LYST: variants seen among roughly 807,000 people sequenced by gnomAD.
LYST encodes the protein lysosomal trafficking regulator, also known as lysosomal-trafficking regulator.
A neutral mutation model predicts 413.6 loss-of-function variants in LYST; 192 were observed. The observed-to-expected ratio is 0.46, with a 90% CI of 0.41 to 0.52. The LOEUF (loss-of-function observed/expected upper bound fraction) is 0.52, where lower values mean the gene tolerates loss of function less well. LYST is among the 20% of genes least tolerant of loss of function. The pLI is 0.00. For synonymous variants in LYST, 1,525 were observed against 1,567.3 expected (o/e 0.97, Z 0.64); for missense variants, 3,815 against 4,499.9 (o/e 0.85, Z 4.35).
At chr1:235,693,623 A>G (rs1184136528) in intron 46 of LYST, 137 bp from the exon 47 acceptor site, 1 of 885,886 alleles carries the variant, frequency 1.1e-6, no homozygotes, top group South Asian at 1.6e-5. Flanking sequence ...TTAAATCTCT[A>G]AAATGGAACA....
At chr1:235,691,479 A>C (rs1032229613) in intron 47 of LYST, among the ~76,000 whole-genome samples, 4 of 152,236 alleles carry the variant, frequency 2.6e-5, no homozygotes, top group Non-Finnish European at 4.4e-5. Flanking sequence ...CAGGTATAAA[A>C]GATGGCACTA....
intron 1 of LYST, among the ~76,000 whole-genome samples, chr1:235,862,432 T>C (rs1679982364): frequency 6.6e-6 from 1 of 152,196 alleles, no homozygotes; most frequent in Non-Finnish European, 1.5e-5. Context: ...TGAAATCTCA[T>C]CCTGCCCTAT....
At chr1:235,758,191 T>C (rs1558198787) in intron 23 of LYST, among the ~76,000 whole-genome samples, 1 of 152,208 alleles carries the variant, frequency 6.6e-6, no homozygotes, top group African/African-American at 2.4e-5. Context: ...GGGTCTGCGA[T>C]AGCAGAAGTA....
At chr1:235,727,956 A>G in intron 38 of LYST, 120 bp downstream of exon 38, 1 of 791,362 alleles carries the variant, frequency 1.3e-6, no homozygotes, top group South Asian at 1.4e-5. Flanking sequence ...AGACCAATCT[A>G]TACATAGAGT....
In LYST at chr1:235,773,962, A is replaced by G. The variant is rs1414016454; in HGVS notation, c.5664T>C (p.Asp1888=). 1 of 1,606,138 alleles carries G rather than the reference A, an allele frequency of 6.2e-7. No homozygotes were observed. The highest frequency in any genetic ancestry group is 8.5e-7 in the Non-Finnish European group (1 of 1,172,880). The change falls in exon 19 of 53, where the codon GAT becomes GAC. Residue 1888 remains aspartate, a synonymous_variant. Coordinates refer to ENST00000389793, the MANE Select transcript of LYST (RefSeq NM_000081.4). Reference sequence around the variant, plus strand: ...CTCCATTCTCATTCATATAAATAATATCTTCACCACAGCATCCTTCAAGAA... The same window carrying G: ...CTCCATTCTCATTCATATAAATAATGTCTTCACCACAGCATCCTTCAAGAA... ...KTLLEGCCGE[D]IIYMNENGEF... is the part of the protein sequence containing the mutation.
chr1:235,858,870 G>A (rs569392984), intron 1 of LYST, among the ~76,000 whole-genome samples: 1 of 152,146 alleles, frequency 6.6e-6, no homozygotes, highest in Non-Finnish European at 1.5e-5. Flanking sequence ...CAGGGAAGGG[G>A]AGTGGGAGCA....
chr1:235,824,450 TCCAGCTGA>T (rs1675106366), intron 3 of LYST, among the ~76,000 whole-genome samples: 1 of 152,210 alleles, frequency 6.6e-6, no homozygotes, highest in Non-Finnish European at 1.5e-5. Context: ...CCTTAAGTCA[TCCAGCTGA>T]ATGTCCTTAT....
At position 235,673,481 on chromosome 1, in the gene LYST, C is replaced by T. The variant is rs183906264; in HGVS notation, c.11038+3610G>A. Among the ~76,000 whole-genome samples the T allele has an allele frequency of 7.9e-5, 12 of 152,146 alleles. No homozygotes were observed. In the East Asian group the frequency reaches 2.3e-3, roughly 29 times the overall value. ...TCTCAATGGGCATATGTTGTTTAGA[C>T]CACCAAAAATCAAGGTTAGACATCC... On this transcript the variant is annotated intron_variant, in intron 50 of 52. Transcript: ENST00000389793.
At position 235,664,684 on chromosome 1, in the gene LYST, CCCCAGAAGGGCAA is replaced by C; in HGVS notation, c.11039-76_11039-64del. On this transcript the variant is annotated intron_variant, in intron 50 of 52. Coordinates refer to ENST00000389793, the MANE Select transcript of LYST (RefSeq NM_000081.4). The surrounding 1 kb of genome is among the most constrained non-coding windows in gnomAD (Gnocchi z 4.5). ...TGGCTGTCTCAGAGCCCACATTTGG[CCCCAGAAGGGCAA>C]CCCTGAAGGGCAAGCTCATTTGTTT... 1.3e-6 allele frequency: 2 copies of C among 1,556,514 alleles called. No homozygotes were observed. Among genetic ancestry groups the C allele is most frequent in the South Asian group, 1.1e-5 (1 of 89,672 alleles).
chr1:235,809,194 A>G lies in LYST; in HGVS notation c.1624T>C (p.Tyr542His). The change falls in exon 5 of 53, where the codon TAT (tyrosine) becomes CAT (histidine). Residue 542 changes from tyrosine (Y) to histidine (H), a missense_variant. Coordinates refer to ENST00000389793, the MANE Select transcript of LYST (RefSeq NM_000081.4). This position sits in a 1 kb window ranked among gnomAD's most constrained non-coding sequence, Gnocchi z 4.0. ...ATGCAACAGCACCGCTCAGGATAAT[A>G]AACATCTCCATCTGCAGTCTCTTCA... ...PFEETADGDV[Y>H]YPERCCCIAV... 1 of 1,614,054 alleles carries G rather than the reference A, an allele frequency of 6.2e-7. No homozygotes were observed. The highest frequency in any genetic ancestry group is 8.5e-7 in the Non-Finnish European group (1 of 1,179,986).
intron 20 of LYST, among the ~76,000 whole-genome samples, chr1:235,769,926 T>C (rs557738030): frequency 2.0e-4 from 30 of 152,186 alleles, no homozygotes; most frequent in African/African-American, 5.3e-4. Context: ...CTAAGAAATT[T>C]AGTAATTGTA....
chr1:235,674,151 C>G lies in LYST; in HGVS notation c.11038+2940G>C, dbSNP rs748611630. On this transcript the variant is annotated intron_variant, in intron 50 of 52. Transcript: ENST00000389793. This position sits in a 1 kb window ranked among gnomAD's most constrained non-coding sequence, Gnocchi z 4.1. ...CTCCAAGTAACAATGTCAATTTTAC[C>G]TTGTGTCTCTCACGACAGGGGGAAT... Among the ~76,000 whole-genome samples, 5 of 152,082 alleles carry G rather than the reference C, an allele frequency of 3.3e-5. No homozygotes were observed. Among genetic ancestry groups the G allele is most frequent in the Non-Finnish European group, 1.5e-5 (1 of 68,014 alleles).
intron 48 of LYST, among the ~76,000 whole-genome samples, chr1:235,685,719 G>A (rs1005100118): frequency 1.3e-5 from 2 of 151,672 alleles, no homozygotes; most frequent in African/African-American, 2.4e-5. Flanking sequence ...GGTGGTGTGC[G>A]CCTGTAATCC....
intron 39 of LYST, among the ~76,000 whole-genome samples, chr1:235,722,657 T>C (rs1354269449): frequency 2.6e-5 from 4 of 152,274 alleles, no homozygotes; most frequent in African/African-American, 9.6e-5. Context: ...CGCTAATTTT[T>C]GTATTTTTAG....
At chr1:235,851,120 C>G (rs1224830572) in intron 1 of LYST, among the ~76,000 whole-genome samples, 4 of 151,940 alleles carry the variant, frequency 2.6e-5, no homozygotes, top group African/African-American at 9.7e-5. Flanking sequence ...TGGAACCAAC[C>G]CAAATGCCCA....
Position 235,730,848 on chromosome 1 carries a change from T to C in LYST, c.9043A>G (p.Arg3015Gly), listed in dbSNP as rs1664319171. 3 of 1,585,844 alleles carry C rather than the reference T, an allele frequency of 1.9e-6. No homozygotes were observed. Among genetic ancestry groups the C allele is most frequent in the East Asian group, 4.5e-5 (2 of 44,706 alleles). The change falls in exon 36 of 53, where the codon AGA becomes GGA. Residue 3015 changes from arginine (R) to glycine (G), a missense_variant and splice_region_variant. By Grantham distance (125) the Arg-to-Gly change is moderately radical. Transcript: ENST00000389793. Reference sequence around the variant, plus strand: ...GAAGGTCTATTGATTCAAAGTTACCTTATAGATTCACTTGCAGCTTTGTCT... The same window carrying C: ...GAAGGTCTATTGATTCAAAGTTACCCTATAGATTCACTTGCAGCTTTGTCT... Reference protein sequence around the residue: ...VKDKAASESIRVNRRCISVAP... With the variant: ...VKDKAASESIGVNRRCISVAP...
chr1:235,678,832 G>A lies in LYST; in HGVS notation c.10801-1213C>T, dbSNP rs74148745. On this transcript the variant is annotated intron_variant, in intron 48 of 52. Transcript: ENST00000389793. ...TTACTATAGCCATAAACAACATACT[G>A]TATAATACATATAAGTATTATATTG... 3.3e-3 allele frequency among the ~76,000 whole-genome samples: 495 copies of A among 151,964 alleles called. 3 individuals carry two copies. Among genetic ancestry groups the A allele is most frequent in the African/African-American group, 0.011 (473 of 41,448 alleles).
At position 235,675,181 on chromosome 1, in the gene LYST, A is replaced by G. The variant is rs147762075; in HGVS notation, c.11038+1910T>C. 6.4e-3 allele frequency among the ~76,000 whole-genome samples: 974 copies of G among 152,330 alleles called. 6 individuals carry two copies. The highest frequency in any genetic ancestry group is 0.011 in the Non-Finnish European group (767 of 68,026). ...GCTCCCTTGGTCTTTCTTGCTCTGT[A>G]AACAGCCCCCACCCTTGCTTATTTT... is the stretch of plus-strand genomic sequence containing the variant. On this transcript the variant is annotated intron_variant, in intron 50 of 52. Coordinates refer to ENST00000389793, the MANE Select transcript of LYST (RefSeq NM_000081.4).
At chr1:235,695,218 T>G (rs1168365073) in intron 46 of LYST, among the ~76,000 whole-genome samples, 2 of 152,236 alleles carry the variant, frequency 1.3e-5, no homozygotes, top group East Asian at 3.8e-4. Context: ...TATTGAATCC[T>G]TACAGAAAAT....
Sources: allele counts gnomAD v4.1 joint callset (sites outside exome capture counted in the v4.1 genomes callset), GRCh38; gene constraint gnomAD v4.1.1; non-coding constraint Gnocchi (gnomAD v3.1); transcripts MANE v1.5; gene names NCBI Gene and HGNC (gene_info 2026-07-23, HGNC 2026-07-21).